CFAP61: variants seen among roughly 807,000 people sequenced by gnomAD.
CFAP61 encodes the protein cilia- and flagella-associated protein 61.
Under a neutral mutation model 135.6 loss-of-function variants are expected in CFAP61, and 107 were observed. That is an observed-to-expected ratio of 0.79 (90% CI 0.67 to 0.93). The LOEUF (loss-of-function observed/expected upper bound fraction) is 0.93. CFAP61 is among the 40% of genes least tolerant of loss of function. CFAP61 has a pLI of 0.00. For synonymous variants in CFAP61, 575 were observed against 578.5 expected (o/e 0.99, Z 0.09); for missense variants, 1,507 against 1,556.2 (o/e 0.97, Z 0.53).
At chr20:20,356,118 A>T (rs1367995195) in intron 26 of CFAP61, among the ~76,000 whole-genome samples, 14 of 41,980 alleles carry the variant, frequency 3.3e-4, no homozygotes, top group South Asian at 1.2e-3. Flanking sequence ...GGTCACACTG[A>T]GGGGAGGTAG....
intron 25 of CFAP61, among the ~76,000 whole-genome samples, chr20:20,329,843 C>T (rs1460470332): frequency 1.3e-5 from 2 of 152,244 alleles, no homozygotes; most frequent in Admixed American, 6.5e-5. Flanking sequence ...AGATCCTCCC[C>T]GTGCCTCTGT....
Position 20,359,845 on chromosome 20 carries a change from G to T in CFAP61, c.3514-365G>T, listed in dbSNP as rs7262927. ...GGTTCCACTCATATGAGATGCCTGC[G>T]TAGTCACATTCATAGAGACAGAGGT... On this transcript the variant is annotated intron_variant, in intron 26 of 26. Coordinates refer to ENST00000245957, the MANE Select transcript of CFAP61 (RefSeq NM_015585.4). The surrounding 1 kb of genome is among the most constrained non-coding windows in gnomAD (Gnocchi z 4.0). 9.9e-5 allele frequency among the ~76,000 whole-genome samples: 15 copies of T among 152,060 alleles called. No individual in the cohort carries two copies. The highest frequency in any genetic ancestry group is 3.4e-4 in the African/African-American group (14 of 41,394).
intron 25 of CFAP61, among the ~76,000 whole-genome samples, chr20:20,338,152 C>T (rs956777604): frequency 6.6e-6 from 1 of 152,220 alleles, no homozygotes; most frequent in Non-Finnish European, 1.5e-5. Context: ...ACCAGCTATG[C>T]TCCATCCTCT....
In CFAP61 at chr20:20,148,421, AT is replaced by A. The variant is rs369278326; in HGVS notation, c.951+5476del. Among the ~76,000 whole-genome samples, 42 of 152,252 alleles carry A rather than the reference AT, an allele frequency of 2.8e-4. No homozygotes were observed. The East Asian group carries it at 8.1e-3, about 29-fold the overall frequency. On this transcript the variant is annotated intron_variant, in intron 9 of 26. Transcript: ENST00000245957. ...TTTCCATTTGTTTGTGTCATCAGTG[AT>A]TTCTTTCAGCAGTGTTTTGTAATTT...
At chr20:20,342,053 A>T (rs1356592986) in intron 26 of CFAP61, 132 bp downstream of exon 26, 1 of 589,680 alleles carries the variant, frequency 1.7e-6, no homozygotes, top group African/African-American at 1.9e-5. Flanking sequence ...ATCTCATATA[A>T]ACAAACTGCG....
intron 17 of CFAP61, among the ~76,000 whole-genome samples, chr20:20,212,317 T>TCA (rs369303958): frequency 2.0e-5 from 3 of 152,072 alleles, no homozygotes; most frequent in African/African-American, 7.2e-5. Context: ...GCCATCTCTC[T>TCA]CACACACACA....
rs770071178 is a variant in CFAP61, at chr20:20,052,559, C to A, written c.-69C>A. ...GCTGCGCGTCCTCCTTGCGGCAGCG[C>A]GTGGAGTGCGGCGTCCTGGAGCTGC... is the stretch of plus-strand genomic sequence containing the variant. On this transcript the variant is annotated 5_prime_UTR_variant, in exon 1 of 27. Coordinates refer to ENST00000245957, the MANE Select transcript of CFAP61 (RefSeq NM_015585.4). The A allele has an allele frequency of 6.2e-7, 1 of 1,614,106 alleles. No homozygotes were observed. The highest frequency in any genetic ancestry group is 8.5e-7 in the Non-Finnish European group (1 of 1,180,012).
chr20:20,060,111 A>G (rs1333930716), intron 2 of CFAP61, among the ~76,000 whole-genome samples: 1 of 152,190 alleles, frequency 6.6e-6, no homozygotes, highest in Non-Finnish European at 1.5e-5. Context: ...GCAAAGAACT[A>G]AAGATTAGAC....
At chr20:20,338,655 C>T (rs1219239961) in intron 25 of CFAP61, among the ~76,000 whole-genome samples, 2 of 152,132 alleles carry the variant, frequency 1.3e-5, no homozygotes, top group Admixed American at 6.5e-5. Context: ...ACACCTTTAC[C>T]ACTTCTCTTT....
chr20:20,144,585 A>AAG (rs767133200), intron 9 of CFAP61, among the ~76,000 whole-genome samples: 7 of 149,320 alleles, frequency 4.7e-5, no homozygotes, highest in Non-Finnish European at 7.4e-5. Flanking sequence ...AGTCCACATG[A>AAG]AGAGAGAGAG....
intron 24 of CFAP61, among the ~76,000 whole-genome samples, chr20:20,293,811 A>G (rs529752388): frequency 6.4e-4 from 98 of 152,210 alleles, no homozygotes; most frequent in Non-Finnish European, 1.1e-3. Context: ...ACCATGGAAG[A>G]AAGAAATTTG....
At chr20:20,315,677 C>G (rs1469262907) in intron 25 of CFAP61, among the ~76,000 whole-genome samples, 1 of 151,746 alleles carries the variant, frequency 6.6e-6, no homozygotes, top group African/African-American at 2.4e-5. Flanking sequence ...TTAGGTCTAA[C>G]GTTTAAGTCT....
intron 17 of CFAP61, among the ~76,000 whole-genome samples, chr20:20,201,759 C>G (rs964409679): frequency 3.9e-5 from 6 of 152,180 alleles, no homozygotes; most frequent in Non-Finnish European, 5.9e-5. Context: ...TTGCAGCTTC[C>G]GTATCAGATC....
chr20:20,292,578 G>T (rs976918960), intron 24 of CFAP61, among the ~76,000 whole-genome samples: 2 of 152,214 alleles, frequency 1.3e-5, no homozygotes, highest in African/African-American at 4.8e-5. Context: ...TAGATGGGAA[G>T]ACTAGAGGGT....
chr20:20,248,682 T>C (rs1436209763), intron 19 of CFAP61, among the ~76,000 whole-genome samples: 1 of 152,142 alleles, frequency 6.6e-6, no homozygotes, highest in Non-Finnish European at 1.5e-5. Context: ...TTATGAGAAT[T>C]TCTAAGGTTC....
intron 8 of CFAP61, among the ~76,000 whole-genome samples, chr20:20,100,169 A>T (rs1317956344): frequency 6.7e-6 from 1 of 149,528 alleles, no homozygotes; most frequent in African/African-American, 2.4e-5. Flanking sequence ...AAGCAGCACT[A>T]AATGGCCTTT....
intron 8 of CFAP61, among the ~76,000 whole-genome samples, chr20:20,135,009 A>G (rs976035679): frequency 6.6e-6 from 1 of 151,782 alleles, no homozygotes; most frequent in African/African-American, 2.4e-5. Flanking sequence ...GTGATTAAAG[A>G]TCTTGAGATA....
Position 20,224,811 on chromosome 20 carries a change from G to T in CFAP61, c.1933-3438G>T, listed in dbSNP as rs572580146. Among the ~76,000 whole-genome samples, 5 of 152,296 alleles carry T rather than the reference G, an allele frequency of 3.3e-5. No individual in the cohort carries two copies. The South Asian group carries it at 1.0e-3, about 32-fold the overall frequency. On this transcript the variant is annotated intron_variant, in intron 17 of 26. Transcript: ENST00000245957. The stretch of plus-strand genomic sequence containing the variant: ...TGGATTTCCCATCCATATTATTCTT[G>T]GTATGGTAGGTAGGTAAATAGCTTA...
intron 25 of CFAP61, among the ~76,000 whole-genome samples, chr20:20,324,874 G>C (rs2057686344): frequency 6.6e-6 from 1 of 152,068 alleles, no homozygotes; most frequent in Non-Finnish European, 1.5e-5. Flanking sequence ...GTCATTCTTT[G>C]CCCATTTTTA....
Sources: allele counts gnomAD v4.1 joint callset (sites outside exome capture counted in the v4.1 genomes callset), GRCh38; gene constraint gnomAD v4.1.1; non-coding constraint Gnocchi (gnomAD v3.1); transcripts MANE v1.5; gene names NCBI Gene and HGNC (gene_info 2026-07-23, HGNC 2026-07-21).